The following ANO3 variants were observed in gnomAD, a reference collection of about 807,000 sequenced individuals.
ANO3 encodes anoctamin-3.
A neutral mutation model predicts 144.8 loss-of-function variants in ANO3; 99 were observed. The ratio of observed to expected loss-of-function variants is 0.68; its 90% confidence interval spans 0.58 to 0.81. The LOEUF (loss-of-function observed/expected upper bound fraction) is 0.81, where lower values mean the gene tolerates loss of function less well. ANO3 is among the 30% of genes least tolerant of loss of function. The pLI is 0.00. For missense variants in ANO3, 905 were observed against 1,202.2 expected (o/e 0.75, Z 3.66); for synonymous variants, 414 against 392.6 (o/e 1.05, Z -0.64).
chr11:26,548,031 T>A (rs2134218789), intron 12 of ANO3, among the ~76,000 whole-genome samples: 1 of 152,104 alleles, frequency 6.6e-6, no homozygotes, highest in East Asian at 1.9e-4. Flanking sequence ...TACTTAAAGA[T>A]GTCTAAATAA....
chr11:26,390,539 A>G (rs1856847645), intron 1 of ANO3, among the ~76,000 whole-genome samples: 1 of 152,154 alleles, frequency 6.6e-6, no homozygotes, highest in Non-Finnish European at 1.5e-5. Context: ...TCTTATATGC[A>G]TAGAACACTA....
intron 13 of ANO3, among the ~76,000 whole-genome samples, chr11:26,558,287 C>G (rs1197610974): frequency 6.6e-6 from 1 of 152,082 alleles, no homozygotes; most frequent in Non-Finnish European, 1.5e-5. Flanking sequence ...GCCATTATTT[C>G]TTGGTGACCT....
intron 18 of ANO3, among the ~76,000 whole-genome samples, chr11:26,625,780 A>G (rs1852565469): frequency 6.6e-6 from 1 of 152,186 alleles, no homozygotes; most frequent in African/African-American, 2.4e-5. Context: ...CCTGTAGCCA[A>G]CTGCATCTAG....
chr11:26,474,351 C>T (rs368322781), intron 4 of ANO3, among the ~76,000 whole-genome samples: 16 of 151,622 alleles, frequency 1.1e-4, no homozygotes, highest in African/African-American at 3.4e-4. Context: ...CAAATATCAC[C>T]TCTGAAGTTT....
In ANO3 at chr11:26,417,047, CTTT is replaced by C. The variant is rs1857610011; in HGVS notation, c.47-24870_47-24868del. ...AAAAATATACTAGAGTTTATAATCT[CTTT>C]AGTTAACATACTATTGGATTCATTC... On this transcript the variant is annotated intron_variant, in intron 1 of 26. Coordinates refer to ENST00000256737, the MANE Select transcript of ANO3 (RefSeq NM_031418.4). Among the ~76,000 whole-genome samples, 5 of 152,194 alleles carry C rather than the reference CTTT, an allele frequency of 3.3e-5. No individual in the cohort carries two copies. The East Asian group carries it at 5.8e-4, about 18-fold the overall frequency.
chr11:26,627,862 A>C (rs1056174308), intron 18 of ANO3, among the ~76,000 whole-genome samples: 10 of 126,004 alleles, frequency 7.9e-5, no homozygotes, highest in Non-Finnish European at 1.5e-4. Context: ...TGTGCGCCTG[A>C]CATTATGTTC....
At chr11:26,208,814 G>A (rs767588559) in intron 1 of ANO3, among the ~76,000 whole-genome samples, 2 of 152,078 alleles carry the variant, frequency 1.3e-5, no homozygotes, top group African/African-American at 2.4e-5. Flanking sequence ...ATTTTTTAAA[G>A]TTTTGTACTA....
At chr11:26,563,227 C>T in intron 14 of ANO3, 2 of 1,610,502 alleles carry the variant, frequency 1.2e-6, no homozygotes, top group Non-Finnish European at 1.7e-6. Context: ...AGAATAGCAC[C>T]TAAAATGGCC....
chr11:26,482,426 A>ATGTGTG lies in ANO3; in HGVS notation c.432+19320_432+19325dup, dbSNP rs58664691. ...TTTGCAGTAATTTGAACACAGATAT[A>ATGTGTG]TGTGTGTGTGTGTGTGTGTGTGTGT... On this transcript the variant is annotated intron_variant, in intron 4 of 26. Coordinates refer to ENST00000256737, the MANE Select transcript of ANO3 (RefSeq NM_031418.4). Among the ~76,000 whole-genome samples the ATGTGTG allele has an allele frequency of 1.3e-4, 19 of 141,114 alleles. No homozygotes were observed. The South Asian group carries it at 2.6e-3, about 19-fold the overall frequency. The allele number at this position is 141,114 out of a possible 152,430, so 92.6% of individuals were successfully genotyped here.
At position 26,631,798 on chromosome 11, in the gene ANO3, A is replaced by G. The variant is rs1176550316; in HGVS notation, c.1874-2406A>G. The stretch of plus-strand genomic sequence containing the variant: ...TGTCAGTATAATAATCATGATCTCT[A>G]TGCATCTTTAAGAAGCTTTAAAGTA... On this transcript the variant is annotated intron_variant, in intron 18 of 26. Coordinates refer to ENST00000256737, the MANE Select transcript of ANO3 (RefSeq NM_031418.4). Among the ~76,000 whole-genome samples the G allele has an allele frequency of 1.1e-4, 17 of 152,210 alleles. 1 individual carries two copies. Among genetic ancestry groups the G allele is most frequent in the Non-Finnish European group, 2.5e-4 (17 of 68,030 alleles).
At chr11:26,600,241 TTCCTC>T (rs72092871) in intron 17 of ANO3, among the ~76,000 whole-genome samples, 44,203 of 87,290 alleles carry the variant, frequency 0.51, 11,798 homozygotes, top group Middle Eastern at 0.65. Context: ...CTCGTCTCCT[TTCCTC>T]TCCTCTCCTC....
chr11:26,428,629 C>G (rs934852921), intron 1 of ANO3, among the ~76,000 whole-genome samples: 2 of 151,960 alleles, frequency 1.3e-5, no homozygotes, highest in African/African-American at 4.8e-5. Context: ...AACCTTAAGC[C>G]CTTCCCGAGG....
rs1053430296 is a variant in ANO3, at chr11:26,553,178, G to A, written c.1290-71G>A. On this transcript the variant is annotated intron_variant, in intron 12 of 26. Coordinates refer to ENST00000256737, the MANE Select transcript of ANO3 (RefSeq NM_031418.4). The stretch of plus-strand genomic sequence containing the variant: ...CTGGTTCCAACAGGATTTGCTGTAG[G>A]GGCTAAGTGAATTCTTAGTCACAGT... 6.3e-6 allele frequency: 7 copies of A among 1,109,138 alleles called. No homozygotes were observed. In the African/African-American group the frequency reaches 1.1e-4, roughly 17 times the overall value. 68.7% of individuals were successfully genotyped at this position (1,109,138 alleles called of 1,614,324 possible). A position where few individuals can be genotyped will look rare whatever the true frequency, so the allele number is the denominator to read the frequency against.
chr11:26,195,132 G>C (rs1381802578), intron 1 of ANO3, among the ~76,000 whole-genome samples: 1 of 152,170 alleles, frequency 6.6e-6, no homozygotes, highest in African/African-American at 2.4e-5. Flanking sequence ...AAACAGAAAG[G>C]TGGTGGCTGC....
At chr11:26,544,182 A>G (rs1849717202) in intron 11 of ANO3, among the ~76,000 whole-genome samples, 4 of 146,448 alleles carry the variant, frequency 2.7e-5, no homozygotes, top group Non-Finnish European at 6.0e-5. Context: ...AATGTCCTCC[A>G]GTCTTATCCA....
At chr11:26,432,450 T>C (rs143553893) in intron 1 of ANO3, among the ~76,000 whole-genome samples, 1 of 152,342 alleles carries the variant, frequency 6.6e-6, no homozygotes, top group East Asian at 1.9e-4. Flanking sequence ...TGATTGCTTT[T>C]GGCATCTTCA....
At chr11:26,381,204 G>T (rs1307773352) in intron 1 of ANO3, among the ~76,000 whole-genome samples, 1 of 152,072 alleles carries the variant, frequency 6.6e-6, no homozygotes, top group South Asian at 2.1e-4. Context: ...TAGGTAAATT[G>T]CCACCATTTC....
chr11:26,570,801 A>G (rs891590987), intron 14 of ANO3, among the ~76,000 whole-genome samples: 3 of 152,040 alleles, frequency 2.0e-5, no homozygotes, highest in Admixed American at 2.0e-4. Flanking sequence ...ACTTTTTCCA[A>G]TGTTGGACAG....
At chr11:26,577,579 AAGAG>A (rs1273198538) in intron 14 of ANO3, among the ~76,000 whole-genome samples, 1 of 118,798 alleles carries the variant, frequency 8.4e-6, no homozygotes, top group Non-Finnish European at 1.9e-5. Context: ...AAAAAAAAAA[AAGAG>A]AGAGAGAGAG....
Sources: allele counts gnomAD v4.1 joint callset (sites outside exome capture counted in the v4.1 genomes callset), GRCh38; gene constraint gnomAD v4.1.1; transcripts MANE v1.5; gene names NCBI Gene and HGNC (gene_info 2026-07-23, HGNC 2026-07-21).